Variants in LHPP observed in about 807,000 individuals in gnomAD.
LHPP encodes hLHPP.
Under a neutral mutation model 30.3 loss-of-function variants are expected in LHPP, and 24 were observed. The observed-to-expected ratio is 0.79, with a 90% CI of 0.57 to 1.11. The LOEUF is 1.11. Ranked by LOEUF, LHPP falls within the 50% of genes most tolerant of loss-of-function variation. The pLI is 0.00. For synonymous variants in LHPP, 150 were observed against 157.1 expected (o/e 0.95, Z 0.34); for missense variants, 356 against 367.2 (o/e 0.97, Z 0.25).
At chr10:124,608,482 G>A (rs779929513) in intron 6 of LHPP, among the ~76,000 whole-genome samples, 6 of 152,260 alleles carry the variant, frequency 3.9e-5, no homozygotes, top group Non-Finnish European at 7.3e-5. Context: ...AGCCCATGGT[G>A]CATGCTATTA....
Position 124,559,225 on chromosome 10 carries a change from A to G in LHPP, c.716+41954A>G, listed in dbSNP as rs1564830637. 2.6e-5 allele frequency among the ~76,000 whole-genome samples: 4 copies of G among 152,228 alleles called. No individual in the cohort carries two copies. In the South Asian group the frequency reaches 8.3e-4, roughly 32 times the overall value. ...GGAGAGGACCAGCAGAGGACACTCT[A>G]TGGGGGTGGCTTCTGGCAAAACAGT... On this transcript the variant is annotated intron_variant, in intron 6 of 6. Transcript: ENST00000368842.
intron 1 of LHPP, among the ~76,000 whole-genome samples, chr10:124,476,887 A>G (rs1208267774): frequency 6.6e-6 from 1 of 152,200 alleles, no homozygotes; most frequent in Non-Finnish European, 1.5e-5. Flanking sequence ...GACAGTGGCT[A>G]GCACTGCCCA....
intron 6 of LHPP, among the ~76,000 whole-genome samples, chr10:124,529,791 G>GCACACA (rs749636848): frequency 1.8e-5 from 2 of 111,984 alleles, no homozygotes; most frequent in African/African-American, 5.8e-5. Flanking sequence ...ACCAGCTCAT[G>GCACACA]CACATACACA....
intron 1 of LHPP, among the ~76,000 whole-genome samples, chr10:124,474,581 G>A (rs1952885011): frequency 6.6e-6 from 1 of 152,268 alleles, no homozygotes; most frequent in Non-Finnish European, 1.5e-5. Flanking sequence ...TCTGTCCCTA[G>A]ACAAGTCACT....
At chr10:124,509,568 T>C (rs1225660771) in intron 5 of LHPP, among the ~76,000 whole-genome samples, 2 of 152,150 alleles carry the variant, frequency 1.3e-5, no homozygotes, top group African/African-American at 4.8e-5. Context: ...TCTGACTTTT[T>C]TTTTTTAAAG....
At chr10:124,539,631 G>A (rs1955130031) in intron 6 of LHPP, among the ~76,000 whole-genome samples, 1 of 152,020 alleles carries the variant, frequency 6.6e-6, no homozygotes, top group African/African-American at 2.4e-5. Flanking sequence ...AGCTACTCGG[G>A]TGGCTGAGGC....
Position 124,593,894 on chromosome 10 carries a change from C to A in LHPP, c.717-19370C>A, listed in dbSNP as rs1948911060. Among the ~76,000 whole-genome samples the A allele has an allele frequency of 1.3e-5, 2 of 152,348 alleles. No homozygotes were observed. The highest frequency in any genetic ancestry group is 4.1e-4 in the South Asian group (2 of 4,834). ...CCTGCTTGGGTATTTGGCCCCAGGGCCAGGGCTGTCCCTCCCACAGCTATT... is the reference window on the plus strand; with the variant it reads ...CCTGCTTGGGTATTTGGCCCCAGGGACAGGGCTGTCCCTCCCACAGCTATT... On this transcript the variant is annotated intron_variant, in intron 6 of 6. Coordinates refer to ENST00000368842, the MANE Select transcript of LHPP (RefSeq NM_022126.4). The surrounding 1 kb of genome is among the most constrained non-coding windows in gnomAD (Gnocchi z 4.9).
At chr10:124,560,387 C>T (rs924031660) in intron 6 of LHPP, among the ~76,000 whole-genome samples, 1 of 152,174 alleles carries the variant, frequency 6.6e-6, no homozygotes, top group Non-Finnish European at 1.5e-5. Context: ...GTTTTATGTA[C>T]AATTTTATAG....
intron 6 of LHPP, among the ~76,000 whole-genome samples, chr10:124,587,280 C>T (rs543562901): frequency 3.6e-4 from 54 of 151,870 alleles, no homozygotes; most frequent in Non-Finnish European, 6.9e-4. Context: ...AGTGATCCGC[C>T]CGCCTCAGCC....
intron 3 of LHPP, among the ~76,000 whole-genome samples, chr10:124,494,753 C>T (rs933557906): frequency 3.9e-5 from 6 of 152,184 alleles, no homozygotes; most frequent in Non-Finnish European, 8.8e-5. Context: ...CTGTCCCCCG[C>T]CCTGTTCAAG....
chr10:124,572,787 G>A (rs563113839), intron 6 of LHPP, among the ~76,000 whole-genome samples: 1 of 152,246 alleles, frequency 6.6e-6, no homozygotes, highest in African/African-American at 2.4e-5. Context: ...AAATCCAGAG[G>A]TTTGACCATG....
chr10:124,597,784 G>A (rs1184287766), intron 6 of LHPP, among the ~76,000 whole-genome samples: 3 of 152,186 alleles, frequency 2.0e-5, no homozygotes, highest in African/African-American at 4.8e-5. Context: ...TACAGACCTC[G>A]GGGGGATCTG....
intron 1 of LHPP, among the ~76,000 whole-genome samples, chr10:124,471,860 C>G (rs571443875): frequency 6.7e-6 from 1 of 148,808 alleles, no homozygotes; most frequent in East Asian, 2.0e-4. Context: ...TCTCAAACTC[C>G]TGGCCTCAAG....
chr10:124,546,556 C>G (rs550406111), intron 6 of LHPP, among the ~76,000 whole-genome samples: 1 of 152,094 alleles, frequency 6.6e-6, no homozygotes, highest in Non-Finnish European at 1.5e-5. Context: ...GTGCCTGCCA[C>G]CACGCCCGGC....
intron 1 of LHPP, among the ~76,000 whole-genome samples, chr10:124,483,845 T>G (rs1589774039): frequency 1.2e-4 from 14 of 112,200 alleles, no homozygotes; most frequent in Admixed American, 2.0e-4. Flanking sequence ...GGAGAGGCAA[T>G]GAAAAGGGGG....
At chr10:124,474,729 T>C (rs1306280691) in intron 1 of LHPP, among the ~76,000 whole-genome samples, 7 of 152,034 alleles carry the variant, frequency 4.6e-5, no homozygotes, top group African/African-American at 1.2e-4. Context: ...GGATTCGATG[T>C]GAACATGCCG....
intron 6 of LHPP, among the ~76,000 whole-genome samples, chr10:124,603,694 G>A (rs1314544420): frequency 2.0e-5 from 3 of 152,228 alleles, no homozygotes; most frequent in African/African-American, 7.2e-5. Context: ...GCACTGATGT[G>A]GCCCTGGACC....
chr10:124,506,818 T>G (rs943147025), intron 5 of LHPP, among the ~76,000 whole-genome samples: 2 of 4,754 alleles, frequency 4.2e-4, no homozygotes, highest in African/African-American at 6.7e-4. Context: ...GGATTTCAGG[T>G]GGGGGGGTAG....
chr10:124,526,499 C>A (rs1345223608), intron 6 of LHPP, among the ~76,000 whole-genome samples: 1 of 152,364 alleles, frequency 6.6e-6, no homozygotes, highest in East Asian at 1.9e-4. Flanking sequence ...TGAACATTCT[C>A]AAGCCACCCC....
Sources: gnomAD v4.1 joint callset for allele counts (sites outside exome capture counted in the v4.1 genomes callset) on GRCh38, gnomAD v4.1.1 for gene constraint, Gnocchi (gnomAD v3.1) non-coding constraint, MANE v1.5 for transcripts, NCBI Gene and HGNC (gene_info 2026-07-23, HGNC 2026-07-21) for gene names.